ADRA1A: variants seen among roughly 807,000 people sequenced by gnomAD.
ADRA1A encodes the protein adrenoceptor alpha 1A, also known as alpha-1A adrenergic receptor.
Under a neutral mutation model 29.6 loss-of-function variants are expected in ADRA1A, and 31 were observed. The ratio of observed to expected loss-of-function variants is 1.05; its 90% CI spans 0.79 to 1.41. The LOEUF is 1.41. Ranked by LOEUF, ADRA1A falls within the 40% of genes most tolerant of loss-of-function variation. The pLI, the probability that ADRA1A is intolerant of heterozygous loss-of-function variation, is 0.00. For synonymous variants in ADRA1A, 311 were observed against 254.3 expected (o/e 1.22, Z -2.12); for missense variants, 619 against 601.1 (o/e 1.03, Z -0.31).
intron 2 of ADRA1A, among the ~76,000 whole-genome samples, chr8:26,844,617 C>T (rs1191767889): frequency 6.6e-6 from 1 of 152,058 alleles, no homozygotes; most frequent in Non-Finnish European, 1.5e-5. Flanking sequence ...GTGCCAAGAC[C>T]ACTCAGTGGG....
At chr8:26,861,070 C>G (rs1813418113) in intron 2 of ADRA1A, among the ~76,000 whole-genome samples, 2 of 152,174 alleles carry the variant, frequency 1.3e-5, no homozygotes, top group Non-Finnish European at 2.9e-5. Flanking sequence ...GTGCCTTCCT[C>G]CTATCACTAA....
At chr8:26,853,938 A>C (rs1812811394) in intron 2 of ADRA1A, 2 of 152,254 alleles carry the variant, frequency 1.3e-5, no homozygotes, top group Non-Finnish European at 2.9e-5. Flanking sequence ...TATAAGGATT[A>C]TAATATTTTA....
chr8:26,828,102 C>T (rs1810713444), intron 2 of ADRA1A, among the ~76,000 whole-genome samples: 1 of 152,034 alleles, frequency 6.6e-6, no homozygotes, highest in Admixed American at 6.6e-5. Context: ...CCATGCTGCC[C>T]AGGCTGGTCT....
intron 2 of ADRA1A, among the ~76,000 whole-genome samples, chr8:26,843,737 G>T (rs542719935): frequency 1.3e-5 from 2 of 152,246 alleles, no homozygotes; most frequent in African/African-American, 4.8e-5. Context: ...TGGAAAAGCT[G>T]GGCATTTTCA....
At chr8:26,752,840 A>G (rs1008259583), downstream of ADRA1A, among the ~76,000 whole-genome samples, 27 of 152,232 alleles carry the variant, frequency 1.8e-4, no homozygotes, top group African/African-American at 6.5e-4. Flanking sequence ...TGCTAACTAT[A>G]CGGCAGGCAT....
intron 2 of ADRA1A, among the ~76,000 whole-genome samples, chr8:26,797,634 T>A (rs867189226): frequency 1.8e-4 from 27 of 152,208 alleles, no homozygotes; most frequent in Middle Eastern, 6.8e-3. Flanking sequence ...ATATATTTTT[T>A]AAATTTCTCA....
intron 2 of ADRA1A, among the ~76,000 whole-genome samples, chr8:26,781,338 G>C (rs1806964616): frequency 6.6e-6 from 1 of 152,156 alleles, no homozygotes; most frequent in South Asian, 2.1e-4. Flanking sequence ...CCTGGTTTTA[G>C]TCTCCTTAAA....
At chr8:26,829,302 G>T (rs1240072819) in intron 2 of ADRA1A, among the ~76,000 whole-genome samples, 3 of 152,134 alleles carry the variant, frequency 2.0e-5, no homozygotes, top group Non-Finnish European at 4.4e-5. Context: ...AATTCAAGTG[G>T]CTACTGGTGG....
rs1326198666 is a variant in ADRA1A at position 26,770,574 on chromosome 8, A to G, written c.976T>C (p.Tyr326His). The G allele has an allele frequency of 6.2e-7, 1 of 1,614,098 alleles. No individual in the cohort carries two copies. Among genetic ancestry groups the G allele is most frequent in the Non-Finnish European group, 8.5e-7 (1 of 1,180,034 alleles). The change falls in exon 3 of 3, where the codon TAC becomes CAC. Residue 326 changes from tyrosine to histidine, a missense_variant. Coordinates refer to ENST00000380573, the MANE Select transcript of ADRA1A (RefSeq NM_000680.4). ...YLNSCINPII[Y>H]PCSSQEFKKA... is the part of the protein sequence containing the mutation. ...TTGAACTCTTGGCTGGAGCATGGGT[A>G]TATGATGGGGTTGATGCAGCTGTTT...
chr8:26,790,067 C>G (rs1177358490), intron 2 of ADRA1A, among the ~76,000 whole-genome samples: 1 of 152,086 alleles, frequency 6.6e-6, no homozygotes, highest in Non-Finnish European at 1.5e-5. Flanking sequence ...AAACCAAATA[C>G]AAGTAGAACT....
chr8:26,843,543 A>G (rs755595208), intron 2 of ADRA1A, among the ~76,000 whole-genome samples: 1 of 152,228 alleles, frequency 6.6e-6, no homozygotes, highest in Non-Finnish European at 1.5e-5. Context: ...CTTGCTTGCC[A>G]TATGATCAAC....
In ADRA1A at chr8:26,831,709, A is replaced by C. The variant is rs1196848344; in HGVS notation, c.883+32378T>G. Among the ~76,000 whole-genome samples the C allele has an allele frequency of 6.6e-6, 1 of 152,242 alleles. No homozygotes were observed. Among genetic ancestry groups the C allele is most frequent in the Non-Finnish European group, 1.5e-5 (1 of 68,042 alleles). On this transcript the variant is annotated intron_variant, in intron 2 of 2. Transcript: ENST00000380573. The surrounding 1 kb of genome is among the most constrained non-coding windows in gnomAD (Gnocchi z 5.2). ...CTTGTTTTCTTTCCAGGACAAGAAG[A>C]ACATAGTTTCACTCGCAGGGAATGA...
rs758390565 is a variant in ADRA1A at position 26,770,419 on chromosome 8, G to A, written c.1131C>T (p.Ile377=). 6.2e-6 allele frequency: 10 copies of A among 1,614,100 alleles called. No individual in the cohort carries two copies. In the East Asian group the frequency reaches 1.6e-4, roughly 25 times the overall value. Residue 377 remains isoleucine, a synonymous_variant, in exon 3 of 3, where the codon ATC becomes ATT. Coordinates refer to ENST00000380573, the MANE Select transcript of ADRA1A (RefSeq NM_000680.4). ...VEGQHKDMVR[I]PVGSRETFYR... is the part of the protein sequence containing the mutation. ...AGAAGGTCTCTCTTGATCCCACGGG[G>A]ATGCGCACCATGTCCTTGTGTTGCC...
At chr8:26,828,295 T>C (rs549003655) in intron 2 of ADRA1A, among the ~76,000 whole-genome samples, 120 of 152,346 alleles carry the variant, frequency 7.9e-4, no homozygotes, top group Middle Eastern at 3.4e-3. Context: ...TTTTTTTTCT[T>C]TTGTCGAGAA....
Position 26,865,512 on chromosome 8 carries a change from C to T in ADRA1A, c.-543G>A. On this transcript the variant is annotated 5_prime_UTR_variant, in exon 2 of 3. Coordinates refer to ENST00000380573, the MANE Select transcript of ADRA1A (RefSeq NM_000680.4). The surrounding 1 kb of genome is among the most constrained non-coding windows in gnomAD (Gnocchi z 7.6). ...CAGCGCTACAGGTTGGGCGCTGCTCCTGGCCCGCAGTTACCTACATTTTGA... is the reference window on the plus strand; with the variant it reads ...CAGCGCTACAGGTTGGGCGCTGCTCTTGGCCCGCAGTTACCTACATTTTGA... The T allele has an allele frequency of 2.5e-5, 25 of 990,776 alleles. No individual in the cohort carries two copies. Among genetic ancestry groups the T allele is most frequent in the Non-Finnish European group, 3.0e-5 (25 of 833,964 alleles). 61.4% of individuals were successfully genotyped at this position (990,776 alleles called of 1,614,324 possible).
In ADRA1A at chr8:26,865,505, G is replaced by A; in HGVS notation, c.-536C>T. 5 of 958,680 alleles carry A rather than the reference G, an allele frequency of 5.2e-6. No individual in the cohort carries two copies. The highest frequency in any genetic ancestry group is 6.2e-6 in the Non-Finnish European group (5 of 811,678). The allele number at this position is 958,680 out of a possible 1,614,324, so 59.4% of individuals were successfully genotyped here. On this transcript the variant is annotated 5_prime_UTR_variant, in exon 2 of 3. Transcript: ENST00000380573. The surrounding 1 kb of genome is among the most constrained non-coding windows in gnomAD (Gnocchi z 7.6). ...GGTAGCGCAGCGCTACAGGTTGGGC[G>A]CTGCTCCTGGCCCGCAGTTACCTAC...
rs1809133963 is a variant in ADRA1A at position 26,808,145 on chromosome 8, C to CT, written c.884-37480dup. On this transcript the variant is annotated intron_variant, in intron 2 of 2. Coordinates refer to ENST00000380573, the MANE Select transcript of ADRA1A (RefSeq NM_000680.4). ...TAGACATAATCCTTTTAATTAGTTT[C>CT]TTTTTTATTCTTCCAGTGTTTTATG... Among the ~76,000 whole-genome samples, 4 of 152,074 alleles carry CT rather than the reference C, an allele frequency of 2.6e-5. No homozygotes were observed. The South Asian group carries it at 6.2e-4, about 24-fold the overall frequency.
Position 26,864,857 on chromosome 8 carries a change from A to C in ADRA1A, c.113T>G (p.Leu38Arg). Reference sequence around the variant, plus strand: ...TAGGATGTTACCCAGCACCCCGAAAAGAATGAGGCCCCCCAAGATCACCCC... The same window carrying C: ...TAGGATGTTACCCAGCACCCCGAAACGAATGAGGCCCCCCAAGATCACCCC... ...LLGVILGGLI[L>R]FGVLGNILVI... The change falls in exon 2 of 3, where the codon CTT (leucine) becomes CGT (arginine). Residue 38 changes from leucine (L) to arginine (R), a missense_variant. Coordinates refer to ENST00000380573, the MANE Select transcript of ADRA1A (RefSeq NM_000680.4). The surrounding 1 kb of genome is among the most constrained non-coding windows in gnomAD (Gnocchi z 8.1). 2.5e-6 allele frequency: 4 copies of C among 1,614,082 alleles called. No individual in the cohort carries two copies. The highest frequency in any genetic ancestry group is 3.4e-6 in the Non-Finnish European group (4 of 1,180,012).
At chr8:26,839,437 C>T (rs1425222506) in intron 2 of ADRA1A, among the ~76,000 whole-genome samples, 5 of 152,120 alleles carry the variant, frequency 3.3e-5, no homozygotes, top group African/African-American at 9.7e-5. Context: ...GGATTACAGG[C>T]GTGAGCCACC....
Sources: allele counts gnomAD v4.1 joint callset (sites outside exome capture counted in the v4.1 genomes callset), GRCh38; gene constraint gnomAD v4.1.1; non-coding constraint Gnocchi (gnomAD v3.1); transcripts MANE v1.5; gene names NCBI Gene and HGNC (gene_info 2026-07-23, HGNC 2026-07-21).